The following FRMD4B variants were observed in gnomAD, a reference collection of about 807,000 sequenced individuals.
The protein encoded by FRMD4B is FERM domain-containing protein 4B.
Under a neutral mutation model 141.5 loss-of-function variants are expected in FRMD4B, and 74 were observed. That is an observed-to-expected ratio of 0.52 (90% CI 0.43 to 0.63). The LOEUF is 0.63. Ranked by LOEUF, FRMD4B falls within the 30% of genes least tolerant of loss-of-function variation. The probability of loss-of-function intolerance (pLI) is 0.00; values close to 1 mark genes in which losing one functional copy is unlikely to be tolerated. For missense variants in FRMD4B, 1,366 were observed against 1,253.4 expected (o/e 1.09, Z -1.36); for synonymous variants, 506 against 467.9 (o/e 1.08, Z -1.05).
chr3:69,289,671 C>T (rs1700809069), intron 4 of FRMD4B, among the ~76,000 whole-genome samples: 2 of 151,998 alleles, frequency 1.3e-5, no homozygotes, highest in Non-Finnish European at 2.9e-5. Context: ...GGCGGGCGGG[C>T]ACCTGTAATC....
At chr3:69,468,983 G>A (rs575398933) in intron 1 of FRMD4B, among the ~76,000 whole-genome samples, 2 of 152,280 alleles carry the variant, frequency 1.3e-5, no homozygotes, top group African/African-American at 2.4e-5. Context: ...CTGGGATGAT[G>A]TAACAAAGAC....
At chr3:69,517,548 T>G (rs1700783029) in intron 1 of FRMD4B, among the ~76,000 whole-genome samples, 1 of 152,200 alleles carries the variant, frequency 6.6e-6, no homozygotes, top group Admixed American at 6.5e-5. Flanking sequence ...GATATTGACC[T>G]TTCAAAGGCT....
At chr3:69,280,832 T>C (rs2093641463) in intron 5 of FRMD4B, among the ~76,000 whole-genome samples, 1 of 152,114 alleles carries the variant, frequency 6.6e-6, no homozygotes, top group African/African-American at 2.4e-5. Flanking sequence ...TTGCCCAGAC[T>C]GGTTTTGAAC....
At chr3:69,344,454 C>T (rs1702860929) in intron 1 of FRMD4B, among the ~76,000 whole-genome samples, 2 of 152,176 alleles carry the variant, frequency 1.3e-5, no homozygotes, top group South Asian at 4.1e-4. Flanking sequence ...GAAGTAACTA[C>T]AAATAATTAA....
intron 1 of FRMD4B, among the ~76,000 whole-genome samples, chr3:69,326,623 T>C (rs887525358): frequency 4.6e-5 from 7 of 152,208 alleles, no homozygotes; most frequent in African/African-American, 1.7e-4. Context: ...TAATCTGAGA[T>C]TCCACGAAGT....
chr3:69,172,055 T>C, intron 22 of FRMD4B, 74 bp from the exon 23 acceptor site: 1 of 1,422,690 alleles, frequency 7.0e-7, no homozygotes, highest in East Asian at 2.3e-5. Flanking sequence ...CTACTACATT[T>C]AAAGAAGTTA....
At chr3:69,420,989 C>T (rs1160588527) in intron 2 of FRMD4B, among the ~76,000 whole-genome samples, 1 of 152,168 alleles carries the variant, frequency 6.6e-6, no homozygotes, top group African/African-American at 2.4e-5. Flanking sequence ...AAAGTTCAGG[C>T]CTCCCTCCCT....
intron 5 of FRMD4B, among the ~76,000 whole-genome samples, chr3:69,269,774 C>T (rs2093585824): frequency 6.6e-6 from 1 of 151,958 alleles, no homozygotes; most frequent in East Asian, 1.9e-4. Flanking sequence ...CATGCACCAT[C>T]ACACCTGGCT....
chr3:69,493,604 C>G (rs1401963581), intron 1 of FRMD4B, among the ~76,000 whole-genome samples: 1 of 152,154 alleles, frequency 6.6e-6, no homozygotes, highest in South Asian at 2.1e-4. Context: ...GTTCTCTACA[C>G]CAGCACTCCA....
chr3:69,228,076 C>T (rs963841743), intron 7 of FRMD4B, among the ~76,000 whole-genome samples: 2 of 152,226 alleles, frequency 1.3e-5, no homozygotes, highest in African/African-American at 4.8e-5. Context: ...GGACGTTTAG[C>T]AATGTTTGAA....
In FRMD4B at chr3:69,483,938, C is replaced by T. The variant is rs908963342; in HGVS notation, c.-128-51177G>A. ...TGAGGTTTTTGTCGGTTCAGCTTGC[C>T]GATTTTGTTCTCCCTGAAATAAAAT... is the stretch of plus-strand genomic sequence containing the variant. On this transcript the variant is annotated intron_variant, in intron 1 of 5. Transcript: ENST00000459638. Among the ~76,000 whole-genome samples the T allele has an allele frequency of 4.6e-5, 7 of 152,070 alleles. No individual in the cohort carries two copies. The East Asian group carries it at 7.7e-4, about 17-fold the overall frequency.
chr3:69,413,401 G>A (rs1012381608), intron 2 of FRMD4B, among the ~76,000 whole-genome samples: 3 of 152,142 alleles, frequency 2.0e-5, no homozygotes, highest in Non-Finnish European at 4.4e-5. Context: ...TGATGTTAGA[G>A]CCAGATCTAT....
rs111743507 is a variant in FRMD4B, at chr3:69,268,355, C to T, written c.502-18256G>A. Among the ~76,000 whole-genome samples the T allele has an allele frequency of 7.4e-4, 113 of 152,090 alleles. 2 individuals carry two copies. The highest frequency in any genetic ancestry group is 2.5e-3 in the African/African-American group (104 of 41,338). On this transcript the variant is annotated intron_variant, in intron 5 of 22. Transcript: ENST00000398540. ...GCCAATAGGCATGGAGGTTCCAGGGCACCCACATCTGATACATATACAGGG... is the reference window on the plus strand; with the variant it reads ...GCCAATAGGCATGGAGGTTCCAGGGTACCCACATCTGATACATATACAGGG...
chr3:69,323,261 AT>A (rs1702068739), intron 1 of FRMD4B, among the ~76,000 whole-genome samples: 2 of 152,090 alleles, frequency 1.3e-5, no homozygotes, highest in African/African-American at 4.8e-5. Context: ...AAATCCTTTC[AT>A]TTATATACAA....
intron 5 of FRMD4B, among the ~76,000 whole-genome samples, chr3:69,254,261 T>C (rs974297025): frequency 2.6e-5 from 4 of 152,134 alleles, no homozygotes; most frequent in East Asian, 3.9e-4. Context: ...CCCACTACCA[T>C]GCCCGGCTAA....
intron 5 of FRMD4B, among the ~76,000 whole-genome samples, chr3:69,276,578 G>A (rs986679869): frequency 6.6e-6 from 1 of 152,126 alleles, no homozygotes; most frequent in Non-Finnish European, 1.5e-5. Context: ...CATTTTAATG[G>A]AAATGGCCAA....
At chr3:69,214,497 G>A (rs1007385229) in intron 11 of FRMD4B, among the ~76,000 whole-genome samples, 16 of 152,130 alleles carry the variant, frequency 1.1e-4, no homozygotes, top group African/African-American at 3.6e-4. Context: ...CAGCTGCATG[G>A]TGATCTATAT....
intron 2 of FRMD4B, among the ~76,000 whole-genome samples, chr3:69,426,321 C>T (rs995495548): frequency 4.0e-5 from 6 of 149,720 alleles, no homozygotes; most frequent in Non-Finnish European, 7.4e-5. Context: ...CTTTTAAAAG[C>T]GTGTGTGTGT....
intron 7 of FRMD4B, among the ~76,000 whole-genome samples, chr3:69,229,015 G>GTTTTTTTTTTTTTTTT (rs58912710): frequency 8.3e-6 from 1 of 120,984 alleles, no homozygotes. Context: ...TCAAAATCAT[G>GTTTTTTTTTTTTTTTT]TTTTTTTTTT....
Sources: gnomAD v4.1 joint callset for allele counts (sites outside exome capture counted in the v4.1 genomes callset) on GRCh38, gnomAD v4.1.1 for gene constraint, MANE v1.5 for transcripts, NCBI Gene and HGNC (gene_info 2026-07-23, HGNC 2026-07-21) for gene names.